Variants in EPB41L3 observed in about 807,000 individuals in gnomAD.
EPB41L3 encodes band 4.1-like protein 3.
A neutral mutation model predicts 127.1 loss-of-function variants in EPB41L3; 57 were observed. That is an observed-to-expected ratio of 0.45 (90% confidence interval 0.36 to 0.56). EPB41L3 has a LOEUF of 0.56. EPB41L3 is among the 20% of genes least tolerant of loss of function. The pLI is 0.00. For synonymous variants in EPB41L3, 572 were observed against 549.5 expected, an observed-to-expected ratio of 1.04 and a Z score of -0.57; for missense variants, 1,273 against 1,372.2, an observed-to-expected ratio of 0.93 and a Z score of 1.14.
chr18:5,515,400 T>C (rs1027542741), intron 1 of EPB41L3, among the ~76,000 whole-genome samples: 1 of 152,206 alleles, frequency 6.6e-6, no homozygotes, highest in Non-Finnish European at 1.5e-5. Context: ...CAAGTAAGGT[T>C]TGCTTTGAAA....
chr18:5,393,609 TAA>T (rs2072752308), intron 22 of EPB41L3, 131 bp from the exon 23 acceptor site: 3 of 585,830 alleles, frequency 5.1e-6, no homozygotes, highest in Non-Finnish European at 9.2e-6. Flanking sequence ...ATTCCAGCGT[TAA>T]GTCACTGCCA....
rs542446629 is a variant in EPB41L3 at position 5,507,875 on chromosome 18, C to T, written c.-11-18681G>A. Among the ~76,000 whole-genome samples, 10 of 152,160 alleles carry T rather than the reference C, an allele frequency of 6.6e-5. No homozygotes were observed. The South Asian group carries it at 1.7e-3, about 25-fold the overall frequency. The stretch of plus-strand genomic sequence containing the variant: ...GCTAATAAAATCATAATGAATAAAC[C>T]AAATTAAGGAACAGGTTGAACTCTC... On this transcript the variant is annotated intron_variant, in intron 1 of 22. Transcript: ENST00000341928.
intron 3 of EPB41L3, among the ~76,000 whole-genome samples, chr18:5,557,457 C>A (rs2094055322): frequency 6.6e-6 from 1 of 152,168 alleles, no homozygotes; most frequent in Admixed American, 6.5e-5. Flanking sequence ...AATCTCGGCC[C>A]ACCCCAACCC....
intron 3 of EPB41L3, among the ~76,000 whole-genome samples, chr18:5,554,987 G>A (rs746107382): frequency 6.6e-6 from 1 of 152,132 alleles, no homozygotes; most frequent in Non-Finnish European, 1.5e-5. Context: ...TCCACCCTTC[G>A]TCCTCACAAA....
chr18:5,538,038 T>C (rs1430849125), intron 1 of EPB41L3, among the ~76,000 whole-genome samples: 1 of 152,244 alleles, frequency 6.6e-6, no homozygotes, highest in Non-Finnish European at 1.5e-5. Flanking sequence ...AACATCATGT[T>C]GTATAGCACT....
intron 3 of EPB41L3, among the ~76,000 whole-genome samples, chr18:5,549,812 C>T (rs1483278540): frequency 6.6e-6 from 1 of 152,074 alleles, no homozygotes; most frequent in Admixed American, 6.6e-5. Context: ...TGACAAAGTG[C>T]GTTCAGATAG....
chr18:5,542,115 T>G (rs2093747359), intron 1 of EPB41L3, among the ~76,000 whole-genome samples: 1 of 152,210 alleles, frequency 6.6e-6, no homozygotes, highest in South Asian at 2.1e-4. Flanking sequence ...CCAACTAAAG[T>G]TTTTAAAGTT....
At chr18:5,548,016 A>G (rs1010060839), upstream of EPB41L3, among the ~76,000 whole-genome samples, 1 of 152,158 alleles carries the variant, frequency 6.6e-6, no homozygotes, top group African/African-American at 2.4e-5. Flanking sequence ...AGACATTCAC[A>G]CTCATTTGGC....
chr18:5,430,075 T>G (rs1412504092), intron 8 of EPB41L3, among the ~76,000 whole-genome samples: 1 of 152,234 alleles, frequency 6.6e-6, no homozygotes, highest in Non-Finnish European at 1.5e-5. Context: ...TTTCCATTAT[T>G]AGATAACAAT....
chr18:5,565,234 T>TAA (rs542697365), intron 3 of EPB41L3, among the ~76,000 whole-genome samples: 6 of 131,796 alleles, frequency 4.6e-5, no homozygotes, highest in Admixed American at 1.5e-4. Context: ...CCATCTCTAC[T>TAA]AAAAAAAAAA....
At chr18:5,616,980 T>C (rs188462688) in intron 1 of EPB41L3, among the ~76,000 whole-genome samples, 50 of 152,338 alleles carry the variant, frequency 3.3e-4, no homozygotes, top group African/African-American at 1.1e-3. Flanking sequence ...CTATAATATA[T>C]AATGAAATGC....
chr18:5,613,456 C>T (rs7240903), intron 2 of EPB41L3, among the ~76,000 whole-genome samples: 21,381 of 152,154 alleles, frequency 0.14, 2,418 homozygotes, highest in African/African-American at 0.32. Flanking sequence ...ACCTAAATTC[C>T]TAGCCCTATT....
intron 1 of EPB41L3, among the ~76,000 whole-genome samples, chr18:5,623,401 A>C (rs1044214772): frequency 1.3e-5 from 2 of 152,206 alleles, no homozygotes; most frequent in African/African-American, 4.8e-5. Flanking sequence ...CTAACTATTC[A>C]AAACCTCGGT....
chr18:5,487,776 A>G (rs752091391), intron 2 of EPB41L3, among the ~76,000 whole-genome samples: 22 of 151,574 alleles, frequency 1.5e-4, no homozygotes, highest in African/African-American at 4.6e-4. Flanking sequence ...CAAATTTTTA[A>G]TAAGTATAAA....
rs1391355426 is a variant in EPB41L3 at position 5,478,488 on chromosome 18, T to C, written c.184-50A>G. 4 of 1,576,422 alleles carry C rather than the reference T, an allele frequency of 2.5e-6. No individual in the cohort carries two copies. In the African/African-American group the frequency reaches 5.4e-5, roughly 21 times the overall value. ...TTTTCATTGCAAGGTGGGAAATAAA[T>C]ATTGCATTGCTCATGCAATAGCACA... On this transcript the variant is annotated intron_variant, in intron 2 of 22. Coordinates refer to ENST00000341928, the MANE Select transcript of EPB41L3 (RefSeq NM_012307.5).
upstream of EPB41L3, among the ~76,000 whole-genome samples, chr18:5,548,401 A>G (rs2093915962): frequency 6.6e-6 from 1 of 152,230 alleles, no homozygotes; most frequent in Non-Finnish European, 1.5e-5. Context: ...AAACGAAATA[A>G]AGTATTGATA....
At chr18:5,508,043 G>C (rs190234856) in intron 1 of EPB41L3, 1 of 152,282 alleles carries the variant, frequency 6.6e-6, no homozygotes, top group East Asian at 1.9e-4. Flanking sequence ...TCAGGAGGGA[G>C]ATAAGGGACA....
upstream of EPB41L3, chr18:5,629,025 C>T (rs1192706900): frequency 6.6e-6 from 1 of 152,276 alleles, no homozygotes; most frequent in Non-Finnish European, 1.5e-5. Flanking sequence ...CCAGCGTCGC[C>T]TTCTCGGGTG....
At chr18:5,584,015 T>C (rs1253981096) in intron 3 of EPB41L3, among the ~76,000 whole-genome samples, 4 of 152,066 alleles carry the variant, frequency 2.6e-5, no homozygotes, top group Non-Finnish European at 5.9e-5. Context: ...TCCATGTTGG[T>C]CAGGCTGGTC....
Sources: gnomAD v4.1 joint callset for allele counts (sites outside exome capture counted in the v4.1 genomes callset) on GRCh38, gnomAD v4.1.1 for gene constraint, MANE v1.5 for transcripts, NCBI Gene and HGNC (gene_info 2026-07-23, HGNC 2026-07-21) for gene names.